AIG1: variants seen among roughly 807,000 people sequenced by gnomAD.
AIG1 encodes androgen induced 1.
AIG1 carries 23 observed loss-of-function variants against 31.4 expected under a neutral mutation model. The observed-to-expected ratio is 0.73, with a 90% confidence interval of 0.53 to 1.04. The LOEUF (loss-of-function observed/expected upper bound fraction) is 1.04, where lower values mean the gene tolerates loss of function less well. Among genes scored for constraint, AIG1 ranks in the 50% least tolerant of loss-of-function variants. AIG1 has a pLI of 0.00. For missense variants in AIG1, 274 were observed against 295.0 expected (o/e 0.93, Z 0.52); for synonymous variants, 100 against 110.5 (o/e 0.90, Z 0.60).
At chr6:143,062,535 A>G (rs1354379105) in intron 1 of AIG1, among the ~76,000 whole-genome samples, 1 of 152,152 alleles carries the variant, frequency 6.6e-6, no homozygotes, top group East Asian at 1.9e-4. Flanking sequence ...TTGAACAACA[A>G]TGTCGGAGTT....
chr6:143,268,443 A>G lies in AIG1; in HGVS notation c.400-15667A>G, dbSNP rs1400828100. ...AAATTGATAACAAGTTTTAAAGAGC[A>G]TGAAGTGCCAACTATGCCCTGGCTA... On this transcript the variant is annotated intron_variant, in intron 3 of 5. Transcript: ENST00000357847. The surrounding 1 kb of genome is among the most constrained non-coding windows in gnomAD (Gnocchi z 5.0). Among the ~76,000 whole-genome samples the G allele has an allele frequency of 6.6e-6, 1 of 152,208 alleles. No individual in the cohort carries two copies. Among genetic ancestry groups the G allele is most frequent in the East Asian group, 1.9e-4 (1 of 5,186 alleles).
intron 3 of AIG1, among the ~76,000 whole-genome samples, chr6:143,222,548 G>C (rs925117500): frequency 1.4e-4 from 21 of 152,140 alleles, no homozygotes; most frequent in African/African-American, 5.1e-4. Flanking sequence ...AAATGACATT[G>C]ACCTTCCCTG....
chr6:143,192,054 A>C (rs1166346358), intron 3 of AIG1, among the ~76,000 whole-genome samples: 1 of 152,234 alleles, frequency 6.6e-6, no homozygotes, highest in Non-Finnish European at 1.5e-5. Context: ...TAGATGTAAA[A>C]AACATAAAAG....
Position 143,188,246 on chromosome 6 carries a change from A to G in AIG1, c.399+23063A>G, listed in dbSNP as rs1245584367. On this transcript the variant is annotated intron_variant, in intron 3 of 5. Coordinates refer to ENST00000357847, the MANE Select transcript of AIG1 (RefSeq NM_016108.4). ...GGAGAGGGGCGTTTCTTTCCTCAGT[A>G]GGCACACTCATAGAGTAAACTGTTG... The G allele has an allele frequency of 4.0e-6, 4 of 989,018 alleles. No homozygotes were observed. In the Admixed American group the frequency reaches 2.3e-4, roughly 58 times the overall value. The allele number at this position is 989,018 out of a possible 1,614,324, so 61.3% of individuals were successfully genotyped here. A position where few individuals can be genotyped will look rare whatever the true frequency, so the allele number is the denominator to read the frequency against.
At chr6:143,101,671 G>A (rs1361106239) in intron 1 of AIG1, among the ~76,000 whole-genome samples, 1 of 152,076 alleles carries the variant, frequency 6.6e-6, no homozygotes, top group Non-Finnish European at 1.5e-5. Flanking sequence ...GGTAGGAAGT[G>A]GGTGAGGGAT....
At chr6:143,093,609 G>A (rs182375696) in intron 1 of AIG1, among the ~76,000 whole-genome samples, 6 of 152,130 alleles carry the variant, frequency 3.9e-5, no homozygotes, top group Non-Finnish European at 7.3e-5. Flanking sequence ...AGCACAAGAG[G>A]CCTAGTTTTT....
At chr6:143,220,389 C>T (rs1792382884) in intron 3 of AIG1, among the ~76,000 whole-genome samples, 1 of 152,130 alleles carries the variant, frequency 6.6e-6, no homozygotes, top group East Asian at 1.9e-4. Context: ...CTTGTCCCTC[C>T]CCCAGCATCC....
At position 143,333,540 on chromosome 6, in the gene AIG1, T is replaced by G. The variant is rs1220953910; in HGVS notation, c.679+95T>G. 4.5e-6 allele frequency: 6 copies of G among 1,323,416 alleles called. No homozygotes were observed. The South Asian group carries it at 7.2e-5, about 16-fold the overall frequency. The allele number at this position is 1,323,416 out of a possible 1,614,324, so 82.0% of individuals were successfully genotyped here. On this transcript the variant is annotated intron_variant, in intron 5 of 5. Coordinates refer to ENST00000357847, the MANE Select transcript of AIG1 (RefSeq NM_016108.4). The surrounding 1 kb of genome is among the most constrained non-coding windows in gnomAD (Gnocchi z 4.6). ...GAAAATTCCACTGTAGCCTCTTCTTTTAGCCTTCACACAGGATCTCCTATA... is the reference window on the plus strand; with the variant it reads ...GAAAATTCCACTGTAGCCTCTTCTTGTAGCCTTCACACAGGATCTCCTATA...
intron 3 of AIG1, chr6:143,187,857 G>C (rs1789416331): frequency 7.0e-7 from 1 of 1,438,810 alleles, no homozygotes; most frequent in Non-Finnish European, 9.1e-7. Flanking sequence ...GCGATGTACA[G>C]AAGGGTATCC....
At position 143,333,419 on chromosome 6, in the gene AIG1, A is replaced by G; in HGVS notation, c.653A>G (p.Asn218Ser). The change falls in exon 5 of 6, where the codon AAC (asparagine) becomes AGC (serine). Residue 218 changes from asparagine to serine, a missense_variant. Asn to Ser is a conservative substitution (Grantham distance 46). Coordinates refer to ENST00000357847, the MANE Select transcript of AIG1 (RefSeq NM_016108.4). The surrounding 1 kb of genome is among the most constrained non-coding windows in gnomAD (Gnocchi z 4.6). ...CTGTACCTGCTGGGAGAAGTTCTGAACAACTATATCTGGGATACACAGAAA... is the reference window on the plus strand; with the variant it reads ...CTGTACCTGCTGGGAGAAGTTCTGAGCAACTATATCTGGGATACACAGAAA... The part of the protein sequence containing the change: ...NFLYLLGEVL[N>S]NYIWDTQKSM... 2 of 1,613,480 alleles carry G rather than the reference A, an allele frequency of 1.2e-6. No homozygotes were observed. Among genetic ancestry groups the G allele is most frequent in the Non-Finnish European group, 1.7e-6 (2 of 1,179,842 alleles).
rs1798570324 is a variant in AIG1, at chr6:143,298,115, G to A, written c.515+13890G>A. Among the ~76,000 whole-genome samples, 1 of 152,052 alleles carries A rather than the reference G, an allele frequency of 6.6e-6. No homozygotes were observed. The highest frequency in any genetic ancestry group is 6.6e-5 in the Admixed American group (1 of 15,264). ...AAAGAAAATGGAGTCCTAGAGCCTG[G>A]GTTATGTACGTTTTCTACCTCTGCT... On this transcript the variant is annotated intron_variant, in intron 4 of 5. Transcript: ENST00000357847. This position sits in a 1 kb window ranked among gnomAD's most constrained non-coding sequence, Gnocchi z 5.1.
chr6:143,139,914 T>C (rs1044557214), intron 2 of AIG1, among the ~76,000 whole-genome samples: 1 of 152,232 alleles, frequency 6.6e-6, no homozygotes, highest in Non-Finnish European at 1.5e-5. Flanking sequence ...TATTGCAAAG[T>C]CATATTTATA....
At chr6:143,163,273 TTTAA>T (rs1786587762) in intron 2 of AIG1, among the ~76,000 whole-genome samples, 1 of 152,232 alleles carries the variant, frequency 6.6e-6, no homozygotes, top group South Asian at 2.1e-4. Flanking sequence ...AATGGCTATC[TTTAA>T]TTAAGTGTTT....
In AIG1 at chr6:143,280,067, TC is replaced by T. The variant is rs1466027076; in HGVS notation, c.400-4042del. On this transcript the variant is annotated intron_variant, in intron 3 of 5. Coordinates refer to ENST00000357847, the MANE Select transcript of AIG1 (RefSeq NM_016108.4). The surrounding 1 kb of genome is among the most constrained non-coding windows in gnomAD (Gnocchi z 4.1). The stretch of plus-strand genomic sequence containing the variant: ...CTTTGGTGACTAGACTTTGTAACCA[TC>T]TCATTTATCCAAGGTGGATCTACAT... 2.0e-5 allele frequency among the ~76,000 whole-genome samples: 3 copies of T among 152,224 alleles called. No homozygotes were observed. Among genetic ancestry groups the T allele is most frequent in the Admixed American group, 6.5e-5 (1 of 15,286 alleles).
chr6:143,231,519 T>A (rs1381591507), intron 3 of AIG1, among the ~76,000 whole-genome samples: 1 of 151,990 alleles, frequency 6.6e-6, no homozygotes, highest in Non-Finnish European at 1.5e-5. Flanking sequence ...CTCTCTTGGC[T>A]GAGGGAGCAT....
chr6:143,093,232 C>G (rs549879062), intron 1 of AIG1, among the ~76,000 whole-genome samples: 11 of 152,136 alleles, frequency 7.2e-5, no homozygotes, highest in Non-Finnish European at 1.5e-4. Flanking sequence ...TTAGTTGGAT[C>G]TTCTGTATAA....
At chr6:143,282,821 C>T (rs1329808373) in intron 3 of AIG1, among the ~76,000 whole-genome samples, 2 of 152,158 alleles carry the variant, frequency 1.3e-5, no homozygotes, top group Non-Finnish European at 2.9e-5. Context: ...TTAGATATCC[C>T]CAACATGCCT....
At chr6:143,266,800 C>T (rs1796189760) in intron 3 of AIG1, among the ~76,000 whole-genome samples, 1 of 152,116 alleles carries the variant, frequency 6.6e-6, no homozygotes, top group South Asian at 2.1e-4. Flanking sequence ...ATTAGCTGGG[C>T]ATGGTGGAAC....
chr6:143,083,538 C>T (rs1778481677), intron 1 of AIG1, among the ~76,000 whole-genome samples: 1 of 152,158 alleles, frequency 6.6e-6, no homozygotes, highest in Non-Finnish European at 1.5e-5. Context: ...GGGTTAGGTA[C>T]AGCTGGGTAT....
Sources: gnomAD v4.1 joint callset for allele counts (sites outside exome capture counted in the v4.1 genomes callset) on GRCh38, gnomAD v4.1.1 for gene constraint, Gnocchi (gnomAD v3.1) non-coding constraint, MANE v1.5 for transcripts, NCBI Gene and HGNC (gene_info 2026-07-23, HGNC 2026-07-21) for gene names.